NAA38: variants seen among roughly 807,000 people sequenced by gnomAD.
The protein encoded by NAA38 is N-alpha-acetyltransferase 38, NatC auxiliary subunit.
In NAA38, 15 loss-of-function variants were observed where a neutral mutation model predicts 12.6. The observed-to-expected ratio is 1.19, with a 90% CI of 0.79 to 1.83. The LOEUF is 1.83. Among genes scored for constraint, NAA38 ranks in the 40% most tolerant of loss-of-function variants. The pLI, the probability that NAA38 is intolerant of heterozygous loss-of-function variation, is 0.00. For synonymous variants in NAA38, 88 were observed against 69.9 expected (o/e 1.26, Z -1.29); for missense variants, 183 against 171.7 (o/e 1.07, Z -0.37).
intron 1 of NAA38, among the ~76,000 whole-genome samples, chr17:7,884,447 T>C (rs1246403127): frequency 2.4e-5 from 2 of 82,358 alleles, no homozygotes; most frequent in Non-Finnish European, 5.8e-5. Flanking sequence ...CGAAAACTTT[T>C]ATATATATAC....
intron 2 of NAA38, among the ~76,000 whole-genome samples, chr17:7,876,234 G>A (rs147030373): frequency 6.6e-6 from 1 of 152,008 alleles, no homozygotes; most frequent in African/African-American, 2.4e-5. Flanking sequence ...TGATTCCCAC[G>A]AAGCATCTAG....
At chr17:7,878,320 A>G (rs1401707856) in intron 2 of NAA38, among the ~76,000 whole-genome samples, 1 of 152,138 alleles carries the variant, frequency 6.6e-6, no homozygotes, top group Non-Finnish European at 1.5e-5. Context: ...GATAAAATCA[A>G]GAACAGGTTA....
At chr17:7,865,007 C>G (rs1441491860) in intron 3 of NAA38, 1 of 152,020 alleles carries the variant, frequency 6.6e-6, no homozygotes, top group African/African-American at 2.4e-5. Context: ...GATTTAGGAG[C>G]ATTTTGGGTG....
At chr17:7,884,934 A>T in intron 1 of NAA38, 4 of 1,327,316 alleles carry the variant, frequency 3.0e-6, no homozygotes, top group Non-Finnish European at 3.9e-6. Flanking sequence ...GACGAGGACG[A>T]TGAGGAGGAC....
intron 2 of NAA38, among the ~76,000 whole-genome samples, chr17:7,878,172 T>C (rs1731483798): frequency 6.6e-6 from 1 of 152,180 alleles, no homozygotes; most frequent in Non-Finnish European, 1.5e-5. Context: ...ATATAAAATT[T>C]ACCTTTTAAA....
At chr17:7,865,300 A>T (rs1449044954) in intron 3 of NAA38, 4 of 152,244 alleles carry the variant, frequency 2.6e-5, no homozygotes, top group Admixed American at 2.6e-4. Flanking sequence ...AAAGTCATAC[A>T]ACTAATGAGT....
chr17:7,881,836 G>A lies in NAA38; in HGVS notation c.-66+1399C>T, dbSNP rs564866960. Among the ~76,000 whole-genome samples the A allele has an allele frequency of 7.6e-4, 115 of 150,788 alleles. 1 individual carries two copies. Among genetic ancestry groups the A allele is most frequent in the African/African-American group, 2.7e-3 (110 of 40,984 alleles). ...AAAAAAGTGATAGAGACAGGCAGGC[G>A]GGGAGACAGATGGCTAGAGAGAGAG... is the stretch of plus-strand genomic sequence containing the variant. On this transcript the variant is annotated intron_variant, in intron 2 of 4. Coordinates refer to the NAA38 transcript ENST00000576861.
At chr17:7,867,976 G>C (rs1967019184) in intron 2 of NAA38, among the ~76,000 whole-genome samples, 1 of 152,198 alleles carries the variant, frequency 6.6e-6, no homozygotes, top group Admixed American at 6.5e-5. Context: ...ACTTTGGGAA[G>C]GAAAGTGATG....
chr17:7,858,234 C>G, upstream of NAA38: 1 of 1,614,032 alleles, frequency 6.2e-7, no homozygotes, highest in East Asian at 2.2e-5. Context: ...GCCCGAAGAC[C>G]TCTGGGTATC....
intron 1 of NAA38, among the ~76,000 whole-genome samples, chr17:7,883,763 C>T (rs1967370900): frequency 6.6e-6 from 1 of 151,434 alleles, no homozygotes; most frequent in Non-Finnish European, 1.5e-5. Flanking sequence ...ACATATATTT[C>T]ATCTTTTTCC....
At chr17:7,859,203 C>T (rs2151386168), upstream of NAA38, 1 of 611,302 alleles carries the variant, frequency 1.6e-6, no homozygotes, top group East Asian at 2.7e-5. Flanking sequence ...AAGTGGCTGC[C>T]ATTAAGATCT....
At chr17:7,862,759 TA>T (rs781129831), upstream of NAA38, 25,728 of 136,786 alleles carry the variant, frequency 0.19, 2,853 homozygotes, top group African/African-American at 0.3. Flanking sequence ...AAAAAAAAGT[TA>T]AAAAAAAAAA....
At chr17:7,884,537 G>A (rs1967450045) in intron 1 of NAA38, among the ~76,000 whole-genome samples, 1 of 135,264 alleles carries the variant, frequency 7.4e-6, no homozygotes, top group Non-Finnish European at 1.6e-5. Flanking sequence ...AAGAGAGAAG[G>A]AAAAAAAGTC....
intron 2 of NAA38, among the ~76,000 whole-genome samples, chr17:7,869,061 A>G (rs1567816840): frequency 6.6e-6 from 1 of 152,242 alleles, no homozygotes; most frequent in Non-Finnish European, 1.5e-5. Context: ...CTCACCTTGC[A>G]GTCATCTTAA....
chr17:7,857,619 T>TCCCGACCTCTTTCCTTTCGCGAGATCCCC, upstream of NAA38: 1 of 1,361,396 alleles, frequency 7.3e-7, no homozygotes, highest in Non-Finnish European at 9.4e-7. Flanking sequence ...TCTCGCGAGC[T>TCCCGACCTCTTTCCTTTCGCGAGATCCCC]TCTCCTACTT....
upstream of NAA38, chr17:7,857,936 C>T: frequency 7.0e-7 from 1 of 1,431,248 alleles, no homozygotes; most frequent in South Asian, 1.5e-5. Context: ...CTACGTTTCC[C>T]GTGAACACGT....
At chr17:7,869,748 G>A (rs936448313) in intron 2 of NAA38, among the ~76,000 whole-genome samples, 3 of 152,042 alleles carry the variant, frequency 2.0e-5, no homozygotes, top group Non-Finnish European at 4.4e-5. Context: ...GGGTGACAGA[G>A]CAAGACTCCG....
At chr17:7,883,443 T>G (rs945347904) in intron 1 of NAA38, 1 of 152,186 alleles carries the variant, frequency 6.6e-6, no homozygotes, top group East Asian at 1.9e-4. Context: ...CTCAAGTCAG[T>G]TGAATTTTAC....
At chr17:7,877,989 C>A (rs141237069) in intron 2 of NAA38, among the ~76,000 whole-genome samples, 1,657 of 152,088 alleles carry the variant, frequency 0.011, 24 homozygotes, top group Admixed American at 0.043. Flanking sequence ...AGTTTCTATA[C>A]CTATAAAATT....
Sources: allele counts gnomAD v4.1 joint callset (sites outside exome capture counted in the v4.1 genomes callset), GRCh38; gene constraint gnomAD v4.1.1; transcripts MANE v1.5; gene names NCBI Gene and HGNC (gene_info 2026-07-23, HGNC 2026-07-21).